PHF21A: variants seen among roughly 807,000 people sequenced by gnomAD.
PHF21A encodes the protein PHD finger protein 21A.
A neutral mutation model predicts 82.5 loss-of-function variants in PHF21A; 11 were observed. That is an observed-to-expected ratio of 0.13 (90% CI 0.08 to 0.22). PHF21A has a LOEUF of 0.22. PHF21A is among the 10% of genes least tolerant of loss of function. The pLI is 1.00. For synonymous variants in PHF21A, 297 were observed against 302.8 expected (o/e 0.98, Z 0.20); for missense variants, 579 against 837.8 (o/e 0.69, Z 3.81).
intron 6 of PHF21A, among the ~76,000 whole-genome samples, chr11:46,057,520 T>C (rs752422990): frequency 5.3e-5 from 8 of 152,152 alleles, no homozygotes; most frequent in Non-Finnish European, 1.0e-4. Context: ...AGGGAAAAAC[T>C]GTACTTTCTG....
intron 6 of PHF21A, among the ~76,000 whole-genome samples, chr11:45,991,424 A>G (rs2094696252): frequency 6.6e-6 from 1 of 152,208 alleles, no homozygotes; most frequent in Non-Finnish European, 1.5e-5. Flanking sequence ...AATCAGGGAT[A>G]GAGTCAGACT....
intron 3 of PHF21A, among the ~76,000 whole-genome samples, chr11:46,085,469 T>C (rs961281024): frequency 1.3e-5 from 2 of 152,364 alleles, no homozygotes; most frequent in African/African-American, 2.4e-5. Flanking sequence ...TATTGTTGTT[T>C]TCTTTTCTTG....
At chr11:45,934,358 T>G (rs763090637) in intron 18 of PHF21A, 133 bp from the exon 19 acceptor site, 3 of 913,926 alleles carry the variant, frequency 3.3e-6, no homozygotes, top group Non-Finnish European at 4.9e-6. Flanking sequence ...CCCCTGGGCC[T>G]TGCTGTGTTC....
At chr11:45,971,525 C>T (rs781350738) in intron 7 of PHF21A, among the ~76,000 whole-genome samples, 158 bp from the exon 8 acceptor site, 12 of 152,128 alleles carry the variant, frequency 7.9e-5, no homozygotes, top group Admixed American at 5.2e-4. Flanking sequence ...TGTGTACATA[C>T]AGCATACTCC....
chr11:45,954,276 C>T (rs1316443308), intron 10 of PHF21A, among the ~76,000 whole-genome samples: 2 of 152,096 alleles, frequency 1.3e-5, no homozygotes, highest in Non-Finnish European at 2.9e-5. Context: ...GGATTACAGG[C>T]GTGAGCCACC....
At chr11:46,074,664 G>A (rs1203785355) in intron 6 of PHF21A, among the ~76,000 whole-genome samples, 2 of 152,090 alleles carry the variant, frequency 1.3e-5, no homozygotes, top group Non-Finnish European at 2.9e-5. Flanking sequence ...CACTACACCC[G>A]GTTAATTTTT....
chr11:46,006,538 A>C (rs991518284), intron 6 of PHF21A, among the ~76,000 whole-genome samples: 1 of 151,984 alleles, frequency 6.6e-6, no homozygotes, highest in Non-Finnish European at 1.5e-5. Flanking sequence ...TCACTCTCTA[A>C]AGATACTAAA....
At chr11:46,120,167 G>C (rs1215039615) in intron 1 of PHF21A, among the ~76,000 whole-genome samples, 2 of 149,502 alleles carry the variant, frequency 1.3e-5, no homozygotes, top group East Asian at 3.9e-4. Context: ...ACTGGGGCCC[G>C]GCAGCGTCAG....
chr11:46,056,064 G>A (rs1010020781), intron 6 of PHF21A, among the ~76,000 whole-genome samples: 4 of 152,012 alleles, frequency 2.6e-5, no homozygotes, highest in Non-Finnish European at 5.9e-5. Flanking sequence ...AGTTTTCCAT[G>A]TAACCTGTTT....
intron 1 of PHF21A, among the ~76,000 whole-genome samples, chr11:46,096,223 G>C (rs960892166): frequency 6.6e-6 from 1 of 151,188 alleles, no homozygotes; most frequent in African/African-American, 2.4e-5. Context: ...TACTCTCATG[G>C]AGCATCAATT....
At chr11:46,079,248 G>A in intron 4 of PHF21A, 82 bp from the exon 5 acceptor site, 1 of 958,930 alleles carries the variant, frequency 1.0e-6, no homozygotes. Context: ...AAAAAATCTA[G>A]GATTTTAAGT....
At chr11:46,081,924 C>A (rs2096797136) in intron 4 of PHF21A, among the ~76,000 whole-genome samples, 1 of 152,102 alleles carries the variant, frequency 6.6e-6, no homozygotes, top group African/African-American at 2.4e-5. Context: ...TACTGTGTGT[C>A]CCTTTACAAA....
At chr11:46,030,830 C>CGTGTGTGTGCGTGT (rs1555117476) in intron 6 of PHF21A, among the ~76,000 whole-genome samples, 1 of 142,310 alleles carries the variant, frequency 7.0e-6, no homozygotes, top group East Asian at 2.0e-4. Context: ...CGTGTGTGTG[C>CGTGTGTGTGCGTGT]GTGTGTGTGT....
chr11:45,956,804 G>A (rs1028331645), intron 10 of PHF21A, among the ~76,000 whole-genome samples: 1 of 152,216 alleles, frequency 6.6e-6, no homozygotes, highest in East Asian at 1.9e-4. Context: ...GCAAAATGGC[G>A]TAAGTCCCTC....
intron 14 of PHF21A, among the ~76,000 whole-genome samples, chr11:45,947,945 T>C (rs2091532592): frequency 1.3e-5 from 2 of 152,202 alleles, no homozygotes; most frequent in African/African-American, 4.8e-5. Context: ...ATATCTCTTT[T>C]GTGGAGAGGG....
intron 6 of PHF21A, among the ~76,000 whole-genome samples, chr11:46,014,335 G>A (rs751939079): frequency 3.3e-5 from 5 of 152,174 alleles, no homozygotes; most frequent in Non-Finnish European, 5.9e-5. Context: ...TGCTGCAAAG[G>A]ATATTATGTT....
chr11:46,034,225 C>CT lies in PHF21A; in HGVS notation c.153+42528_153+42529insA, dbSNP rs2095935329. Among the ~76,000 whole-genome samples the CT allele has an allele frequency of 2.6e-5, 4 of 151,622 alleles. No homozygotes were observed. In the South Asian group the frequency reaches 8.3e-4, roughly 32 times the overall value. On this transcript the variant is annotated intron_variant, in intron 6 of 18. Coordinates refer to ENST00000676320, the MANE Select transcript of PHF21A (RefSeq NM_001352027.3). The stretch of plus-strand genomic sequence containing the variant: ...TGCCTTAATATTAGTGCCCCCACCC[C>CT]CCCCTTGCATACTTTTCCCTTGGGA...
chr11:45,977,731 A>G (rs571656864), intron 7 of PHF21A, among the ~76,000 whole-genome samples: 2 of 152,306 alleles, frequency 1.3e-5, no homozygotes, highest in East Asian at 3.9e-4. Flanking sequence ...TGATTAGGGT[A>G]AAAATTTATG....
intron 10 of PHF21A, among the ~76,000 whole-genome samples, chr11:45,956,297 C>T (rs2092630394): frequency 6.6e-6 from 1 of 152,114 alleles, no homozygotes; most frequent in South Asian, 2.1e-4. Context: ...TTATTTTTAA[C>T]TTCTCTTTTT....
Sources: gnomAD v4.1 joint callset for allele counts (sites outside exome capture counted in the v4.1 genomes callset) on GRCh38, gnomAD v4.1.1 for gene constraint, MANE v1.5 for transcripts, NCBI Gene and HGNC (gene_info 2026-07-23, HGNC 2026-07-21) for gene names.